Variants in FBXL17 observed in about 807,000 individuals in gnomAD.
The protein encoded by FBXL17 is F-box and leucine rich repeat protein 17, also known as F-box/LRR-repeat protein 17.
FBXL17 carries 22 observed loss-of-function variants against 66.2 expected under a neutral mutation model. The observed-to-expected ratio is 0.33, with a 90% CI of 0.24 to 0.47. FBXL17 has a LOEUF of 0.47. Ranked by LOEUF, FBXL17 falls within the 20% of genes least tolerant of loss-of-function variation. The pLI is 1.00. For missense variants in FBXL17, 878 were observed against 948.2 expected, an observed-to-expected ratio of 0.93 and a Z score of 0.97; for synonymous variants, 474 against 400.5, an observed-to-expected ratio of 1.18 and a Z score of -2.19.
At chr5:107,986,604 A>G (rs1416482504) in intron 7 of FBXL17, among the ~76,000 whole-genome samples, 1 of 151,758 alleles carries the variant, frequency 6.6e-6, no homozygotes, top group Admixed American at 6.6e-5. Flanking sequence ...GTTTAAAAAG[A>G]CCTAAATCAC....
At chr5:107,921,759 C>T (rs1195598318) in intron 7 of FBXL17, among the ~76,000 whole-genome samples, 1 of 152,172 alleles carries the variant, frequency 6.6e-6, no homozygotes, top group Non-Finnish European at 1.5e-5. Context: ...GGCTGCTCCT[C>T]CCTCTGTCTA....
chr5:107,862,156 GA>G (rs1368296785), intron 8 of FBXL17, among the ~76,000 whole-genome samples: 1 of 152,022 alleles, frequency 6.6e-6, no homozygotes, highest in Non-Finnish European at 1.5e-5. Flanking sequence ...AATGTCCATT[GA>G]AAATCTAGTG....
At chr5:108,129,486 T>A (rs1429519833) in intron 6 of FBXL17, among the ~76,000 whole-genome samples, 1 of 152,094 alleles carries the variant, frequency 6.6e-6, no homozygotes, top group African/African-American at 2.4e-5. Flanking sequence ...TTGAATATCA[T>A]TTTCCTTTAG....
intron 7 of FBXL17, among the ~76,000 whole-genome samples, chr5:107,898,632 C>T (rs888296421): frequency 3.3e-5 from 5 of 152,138 alleles, no homozygotes; most frequent in Admixed American, 2.0e-4. Context: ...GCCTCCACCT[C>T]GCAACAGGCC....
At chr5:107,885,334 C>T (rs974292096) in intron 7 of FBXL17, among the ~76,000 whole-genome samples, 1 of 152,172 alleles carries the variant, frequency 6.6e-6, no homozygotes, top group Non-Finnish European at 1.5e-5. Flanking sequence ...CATAGACATA[C>T]AAATGACAGA....
At chr5:107,976,113 T>G (rs1322049291) in intron 7 of FBXL17, among the ~76,000 whole-genome samples, 4 of 152,174 alleles carry the variant, frequency 2.6e-5, no homozygotes, top group Admixed American at 2.6e-4. Flanking sequence ...TGCCTCTGCC[T>G]CCCAAAGTGC....
chr5:108,324,886 G>T (rs1007279165), intron 4 of FBXL17, among the ~76,000 whole-genome samples: 5 of 152,028 alleles, frequency 3.3e-5, no homozygotes, highest in African/African-American at 2.4e-5. Flanking sequence ...GTCATGAAAA[G>T]GCAATGCTGT....
chr5:108,204,705 A>C (rs977224976), intron 5 of FBXL17, among the ~76,000 whole-genome samples: 1 of 152,176 alleles, frequency 6.6e-6, no homozygotes, highest in Admixed American at 6.6e-5. Flanking sequence ...TATTATCCTA[A>C]GCATTTTCCA....
Position 107,879,806 on chromosome 5 carries a change from G to A in FBXL17, c.1965+1231C>T, listed in dbSNP as rs552051879. On this transcript the variant is annotated intron_variant, in intron 8 of 8. Transcript: ENST00000542267. Reference sequence around the variant, plus strand: ...CAAGATGGCGGCACTTTCTGAGCAAGTATCTGAACTGGACCTTTTCCAAGG... The same window carrying A: ...CAAGATGGCGGCACTTTCTGAGCAAATATCTGAACTGGACCTTTTCCAAGG... 3.0e-6 allele frequency: 3 copies of A among 985,424 alleles called. No individual in the cohort carries two copies. In the African/African-American group the frequency reaches 5.2e-5, roughly 17 times the overall value. 61.0% of individuals were successfully genotyped at this position (985,424 alleles called of 1,614,324 possible). A position where few individuals can be genotyped will look rare whatever the true frequency, so the allele number is the denominator to read the frequency against.
At chr5:108,128,029 T>A (rs1423971026) in intron 6 of FBXL17, among the ~76,000 whole-genome samples, 1 of 152,106 alleles carries the variant, frequency 6.6e-6, no homozygotes, top group Non-Finnish European at 1.5e-5. Flanking sequence ...GTGGATAACT[T>A]GAGTTCAGGA....
intron 6 of FBXL17, among the ~76,000 whole-genome samples, chr5:108,185,699 G>A (rs562523680): frequency 6.6e-6 from 1 of 152,064 alleles, no homozygotes; most frequent in African/African-American, 2.4e-5. Context: ...AAAAAAAAAT[G>A]TCACCTTTAA....
intron 1 of FBXL17, among the ~76,000 whole-genome samples, chr5:108,371,538 A>G (rs1444512928): frequency 1.1e-4 from 17 of 152,194 alleles, no homozygotes; most frequent in Admixed American, 1.1e-3. Context: ...CATTCACAAG[A>G]AAAAAGGAAA....
At chr5:107,975,854 G>GTT (rs1292069891) in intron 7 of FBXL17, among the ~76,000 whole-genome samples, 16 of 58,808 alleles carry the variant, frequency 2.7e-4, no homozygotes, top group African/African-American at 9.0e-4. Flanking sequence ...TTTTGTTGTT[G>GTT]TTGTTTTTTT....
At chr5:108,009,280 T>TAGATAGATAGATAGATAG (rs1317627226) in intron 7 of FBXL17, among the ~76,000 whole-genome samples, 4 of 22,710 alleles carry the variant, frequency 1.8e-4, no homozygotes, top group African/African-American at 3.1e-4. Context: ...TATATATATA[T>TAGATAGATAGATAGATAG]ATATATATAT....
intron 4 of FBXL17, among the ~76,000 whole-genome samples, chr5:108,339,562 A>G (rs1381030038): frequency 1.3e-5 from 2 of 151,290 alleles, no homozygotes; most frequent in East Asian, 3.8e-4. Flanking sequence ...GAAAGCAAAT[A>G]AAAATTAGAT....
chr5:107,874,081 C>T (rs1444603466), intron 8 of FBXL17, among the ~76,000 whole-genome samples: 2 of 152,168 alleles, frequency 1.3e-5, no homozygotes, highest in Non-Finnish European at 2.9e-5. Flanking sequence ...CTTGGCAGGT[C>T]TTCACTCTCT....
chr5:108,180,645 A>G (rs1039114059), intron 6 of FBXL17, among the ~76,000 whole-genome samples: 14 of 152,182 alleles, frequency 9.2e-5, no homozygotes, highest in African/African-American at 3.4e-4. Flanking sequence ...AAATTCTCCA[A>G]ATTTTAGAGT....
At chr5:108,287,865 T>C (rs1757960525) in intron 4 of FBXL17, among the ~76,000 whole-genome samples, 1 of 151,954 alleles carries the variant, frequency 6.6e-6, no homozygotes, top group Non-Finnish European at 1.5e-5. Flanking sequence ...GGAATCAACC[T>C]AAATACCCAC....
chr5:108,230,561 G>C (rs1214947708), intron 4 of FBXL17, among the ~76,000 whole-genome samples: 1 of 152,090 alleles, frequency 6.6e-6, no homozygotes, highest in Non-Finnish European at 1.5e-5. Flanking sequence ...GGACTTTGGA[G>C]ACTCAGAGGA....
Sources: gnomAD v4.1 joint callset for allele counts (sites outside exome capture counted in the v4.1 genomes callset) on GRCh38, gnomAD v4.1.1 for gene constraint, MANE v1.5 for transcripts, NCBI Gene and HGNC (gene_info 2026-07-23, HGNC 2026-07-21) for gene names.